The following CEP104 variants were observed in gnomAD, a reference collection of about 807,000 sequenced individuals.
CEP104 encodes centrosomal protein of 104 kDa.
In CEP104, 84 loss-of-function variants were observed where a neutral mutation model predicts 113.3. The observed-to-expected ratio is 0.74, with a 90% CI of 0.62 to 0.89. The LOEUF (loss-of-function observed/expected upper bound fraction) is 0.89, where lower values mean the gene tolerates loss of function less well. CEP104 is among the 40% of genes least tolerant of loss of function. The probability of loss-of-function intolerance (pLI) is 0.00; values close to 1 mark genes in which losing one functional copy is unlikely to be tolerated. For synonymous variants in CEP104, 378 were observed against 421.7 expected (o/e 0.90, Z 1.27); for missense variants, 1,053 against 1,156.6 (o/e 0.91, Z 1.30).
chr1:3,818,034 C>T (rs1250272665), intron 20 of CEP104, among the ~76,000 whole-genome samples: 1 of 152,226 alleles, frequency 6.6e-6, no homozygotes, highest in Non-Finnish European at 1.5e-5. Context: ...GCCTGGCCGC[C>T]CTATGGCCAA....
intron 4 of CEP104, among the ~76,000 whole-genome samples, chr1:3,846,900 G>A (rs1465716010): frequency 6.6e-6 from 1 of 152,192 alleles, no homozygotes; most frequent in Non-Finnish European, 1.5e-5. Flanking sequence ...GAAAGAAAGG[G>A]AGGGAGGAAG....
At chr1:3,832,054 A>G (rs975167374) in intron 12 of CEP104, among the ~76,000 whole-genome samples, 3 of 152,258 alleles carry the variant, frequency 2.0e-5, no homozygotes, top group Admixed American at 6.5e-5. Context: ...AGATTGCCTT[A>G]AGGTTGTCTC....
At position 3,839,096 on chromosome 1, in the gene CEP104, A is replaced by C. The variant is rs372048855; in HGVS notation, c.759T>G (p.Tyr253Ter). ...CCACGGCACAGCGTTTCTCTACCTC[A>C]TACCTCCCAAGGCGTTCACCAACCT... ...LQKVGERLGR[Y>*]EVEKRCAVEK... is the part of the protein sequence containing the mutation. The change falls in exon 8 of 22, where the codon TAT (tyrosine) becomes TAG (stop). Residue 253 changes from tyrosine (Y) to a stop codon, truncating the protein, a stop_gained. Coordinates refer to ENST00000378230, the MANE Select transcript of CEP104 (RefSeq NM_014704.4). LOFTEE classifies it high-confidence loss of function. 4.5e-5 allele frequency: 72 copies of C among 1,613,810 alleles called. No individual in the cohort carries two copies. Among genetic ancestry groups the C allele is most frequent in the Non-Finnish European group, 5.9e-5 (70 of 1,179,952 alleles).
At position 3,835,058 on chromosome 1, in the gene CEP104, C is replaced by A; in HGVS notation, c.1352G>T (p.Arg451Leu). 6 of 1,613,960 alleles carry A rather than the reference C, an allele frequency of 3.7e-6. No individual in the cohort carries two copies. Among genetic ancestry groups the A allele is most frequent in the Non-Finnish European group, 5.1e-6 (6 of 1,179,926 alleles). The change falls in exon 11 of 22, where the codon CGA becomes CTA. Residue 451 changes from arginine to leucine, a missense_variant. Arg to Leu is a moderately radical substitution (Grantham distance 102, BLOSUM62 -2). Transcript: ENST00000378230. Reference sequence around the variant, plus strand: ...AGACAAGGCAAGCAGTGCATCCTCTCGGTAGGACCACGTCTTACAATAGGC... The same window carrying A: ...AGACAAGGCAAGCAGTGCATCCTCTAGGTAGGACCACGTCTTACAATAGGC... ...AEAYCKTWSY[R>L]EDALLALSKK...
chr1:3,817,653 G>A (rs1021694418), intron 20 of CEP104, among the ~76,000 whole-genome samples: 11 of 152,172 alleles, frequency 7.2e-5, no homozygotes, highest in Non-Finnish European at 1.0e-4. Context: ...CGGCACATGG[G>A]GTGCAGTTGC....
rs117132607 is a variant in CEP104 at position 3,815,631 on chromosome 1, C to T, written c.2663-114G>A. ...AACGTCCCAGGCCCATGCTGATGGC[C>T]GTCACCCGACTACAGGAGCCAGGGC... On this transcript the variant is annotated intron_variant, in intron 21 of 21. Coordinates refer to ENST00000378230, the MANE Select transcript of CEP104 (RefSeq NM_014704.4). 7,331 of 671,460 alleles carry T rather than the reference C, an allele frequency of 0.011. 319 individuals carry two copies. The East Asian group carries it at 0.11, about 10-fold the overall frequency. 41.6% of individuals were successfully genotyped at this position (671,460 alleles called of 1,614,324 possible). A position where few individuals can be genotyped will look rare whatever the true frequency, so the allele number is the denominator to read the frequency against.
At chr1:3,816,902 C>T (rs9286791) in intron 20 of CEP104, among the ~76,000 whole-genome samples, 97,750 of 152,252 alleles carry the variant, frequency 0.64, 32,874 homozygotes, top group African/African-American at 0.86. Context: ...CTTTCCTTTA[C>T]GACCAGCTGT....
intron 9 of CEP104, 92 bp downstream of exon 9, chr1:3,837,200 C>T: frequency 9.5e-7 from 1 of 1,054,618 alleles, no homozygotes; most frequent in Non-Finnish European, 1.4e-6. Context: ...AGCACTCATG[C>T]ACCCCATGCA....
chr1:3,838,742 G>A (rs990488797), intron 8 of CEP104, among the ~76,000 whole-genome samples: 2 of 152,186 alleles, frequency 1.3e-5, no homozygotes, highest in African/African-American at 4.8e-5. Flanking sequence ...TCCTGACCCC[G>A]GTTTGTTCCC....
At chr1:3,844,085 T>C (rs1306202456) in intron 6 of CEP104, among the ~76,000 whole-genome samples, 7 of 152,196 alleles carry the variant, frequency 4.6e-5, no homozygotes, top group Admixed American at 4.6e-4. Flanking sequence ...AAAACGTATG[T>C]GATACATATT....
intron 20 of CEP104, among the ~76,000 whole-genome samples, chr1:3,820,807 AGGTGCCACTGTGCT>A (rs1156370766): frequency 3.3e-5 from 5 of 152,180 alleles, no homozygotes; most frequent in Non-Finnish European, 5.9e-5. Flanking sequence ...CTGGCGGTGC[AGGTGCCACTGTGCT>A]GGGGCTGCCG....
chr1:3,855,889 T>C (rs183240261), intron 1 of CEP104: 179 of 985,166 alleles, frequency 1.8e-4, no homozygotes, highest in Admixed American at 9.2e-4. Context: ...GCATGAGGGA[T>C]CCCTGTTGTC....
chr1:3,837,786 G>A (rs1263365960), intron 8 of CEP104, among the ~76,000 whole-genome samples: 1 of 152,250 alleles, frequency 6.6e-6, no homozygotes, highest in African/African-American at 2.4e-5. Flanking sequence ...TGCTAGTGAA[G>A]GAATGAGCAT....
intron 10 of CEP104, among the ~76,000 whole-genome samples, chr1:3,835,816 C>G (rs1458774600): frequency 2.0e-5 from 3 of 152,196 alleles, no homozygotes; most frequent in Non-Finnish European, 4.4e-5. Flanking sequence ...GAAATGAGTA[C>G]TCACTGATAC....
rs1039193667 is a variant in CEP104, at chr1:3,825,858, A to G, written c.2264T>C (p.Ile755Thr). The G allele has an allele frequency of 1.9e-6, 3 of 1,610,828 alleles. No homozygotes were observed. The highest frequency in any genetic ancestry group is 2.5e-6 in the Non-Finnish European group (3 of 1,177,076). The change falls in exon 18 of 22, where the codon ATT becomes ACT. Residue 755 changes from isoleucine to threonine, a missense_variant. Coordinates refer to ENST00000378230, the MANE Select transcript of CEP104 (RefSeq NM_014704.4). ...PDEHYLDNLCIFCGERSESFT... is the reference protein window; with the variant it reads ...PDEHYLDNLCTFCGERSESFT... The stretch of plus-strand genomic sequence containing the variant: ...GGATTCACTCCTTTCCCCACAAAAA[A>G]TACACAAACTGAAAGCAAAGCAAAG...
intron 3 of CEP104, among the ~76,000 whole-genome samples, chr1:3,848,268 C>CA (rs1274576476): frequency 6.6e-6 from 1 of 152,074 alleles, no homozygotes; most frequent in Non-Finnish European, 1.5e-5. Flanking sequence ...CGCGGTGACT[C>CA]ACGCCTGTAA....
chr1:3,839,464 G>A (rs976600300), intron 7 of CEP104, 144 bp downstream of exon 7: 16 of 769,388 alleles, frequency 2.1e-5, no homozygotes, highest in African/African-American at 3.5e-5. Context: ...ATCTGTCTCC[G>A]TAACTTTATT....
At position 3,843,556 on chromosome 1, in the gene CEP104, T is replaced by C. The variant is rs1366543230; in HGVS notation, c.566+1351A>G. On this transcript the variant is annotated intron_variant, in intron 6 of 21. Transcript: ENST00000378230. ...TAGTAGAGATGGGGTTTTGACATGTTCCCCAGGCCGGTTTCAAACTCCTGA... is the reference window on the plus strand; with the variant it reads ...TAGTAGAGATGGGGTTTTGACATGTCCCCCAGGCCGGTTTCAAACTCCTGA... Among the ~76,000 whole-genome samples the C allele has an allele frequency of 3.3e-5, 5 of 151,438 alleles. No individual in the cohort carries two copies. In the East Asian group the frequency reaches 9.7e-4, roughly 29 times the overall value.
intron 14 of CEP104, 117 bp downstream of exon 14, chr1:3,829,674 C>T (rs779102306): frequency 6.1e-5 from 68 of 1,112,780 alleles, no homozygotes; most frequent in Admixed American, 9.0e-5. Flanking sequence ...GCCAGGACGC[C>T]GGGGCTTCCC....
Sources: allele counts gnomAD v4.1 joint callset (sites outside exome capture counted in the v4.1 genomes callset), GRCh38; gene constraint gnomAD v4.1.1; transcripts MANE v1.5; gene names NCBI Gene and HGNC (gene_info 2026-07-23, HGNC 2026-07-21).